Variants in POLRMT observed in about 807,000 individuals in gnomAD.
The protein encoded by POLRMT is RNA polymerase mitochondrial.
Under a neutral mutation model 132.2 loss-of-function variants are expected in POLRMT, and 114 were observed. That is an observed-to-expected ratio of 0.86 (90% CI 0.74 to 1.01). POLRMT has a LOEUF of 1.01. POLRMT is among the 50% of genes least tolerant of loss of function. The pLI is 0.00. For synonymous variants in POLRMT, 1,020 were observed against 773.4 expected (o/e 1.32, Z -5.29); for missense variants, 2,003 against 1,729.1 (o/e 1.16, Z -2.81).
At chr19:624,638 C>A in intron 5 of POLRMT, 81 bp downstream of exon 5, 1 of 1,478,466 alleles carries the variant, frequency 6.8e-7, no homozygotes, top group Non-Finnish European at 9.2e-7. Flanking sequence ...CGGGGAGGCC[C>A]ATTGGTCTGA....
chr19:623,363 C>G, intron 6 of POLRMT, 91 bp downstream of exon 6: 1 of 1,540,672 alleles, frequency 6.5e-7, no homozygotes, highest in Non-Finnish European at 8.7e-7. Flanking sequence ...GCCCCTGCGG[C>G]GGACACGGGA....
At chr19:623,107 T>C (rs2144637037) in intron 6 of POLRMT, 122 bp from the exon 7 acceptor site, 1 of 1,246,892 alleles carries the variant, frequency 8.0e-7, no homozygotes, top group South Asian at 1.5e-5. Context: ...TGCTGTGTGT[T>C]CCGGGTAGCT....
Position 619,105 on chromosome 19 carries a change from C to G in POLRMT, c.3159G>C (p.Trp1053Cys). 1.2e-6 allele frequency: 2 copies of G among 1,611,754 alleles called. No homozygotes were observed. The highest frequency in any genetic ancestry group is 1.7e-6 in the Non-Finnish European group (2 of 1,179,344). Residue 1053 changes from tryptophan to cysteine, a missense_variant, in exon 15 of 21, where the codon TGG (tryptophan) becomes TGC (cysteine). Transcript: ENST00000588649. ...MFSGTRAIQH[W>C]LTESARLISH... ...AGATGAGGCGGGCACTCTCGGTCAG[C>G]CAGTGCTGTGGGACACAGGCCGTCT...
In POLRMT at chr19:631,349, G is replaced by T. The variant is rs911129725; in HGVS notation, c.194-1181C>A. 6.1e-5 allele frequency among the ~76,000 whole-genome samples: 9 copies of T among 147,526 alleles called. 1 individual carries two copies. The highest frequency in any genetic ancestry group is 2.5e-5 in the African/African-American group (1 of 39,772). On this transcript the variant is annotated intron_variant, in intron 2 of 20. Coordinates refer to ENST00000588649, the MANE Select transcript of POLRMT (RefSeq NM_005035.4). ...TCTCAAAAAAAAAAAGGGGGGGGGG[G>T]ACCCAGGTGTCCAGATGTGGTGGCT...
rs370677700 is a variant in POLRMT at position 632,795 on chromosome 19, G to C, written c.193+39C>G. ...CCTTTTCTCCCGGCAGCAGGGAGCGGACTCTCCTCTCCCGGGCCGCCGTGG... is the reference window on the plus strand; with the variant it reads ...CCTTTTCTCCCGGCAGCAGGGAGCGCACTCTCCTCTCCCGGGCCGCCGTGG... On this transcript the variant is annotated intron_variant, in intron 2 of 20. Transcript: ENST00000588649. 9.9e-5 allele frequency: 147 copies of C among 1,491,814 alleles called. 1 individual carries two copies. The East Asian group carries it at 1.5e-3, about 16-fold the overall frequency. The allele number at this position is 1,491,814 out of a possible 1,614,324, so 92.4% of individuals were successfully genotyped here.
At chr19:618,938 T>G in intron 15 of POLRMT, 59 bp downstream of exon 15, 1 of 1,426,838 alleles carries the variant, frequency 7.0e-7, no homozygotes, top group Non-Finnish European at 9.6e-7. Context: ...ACTGGTACAC[T>G]GGGACGCTGT....
Position 633,457 on chromosome 19 carries a change from G to C in POLRMT, c.56C>G (p.Pro19Arg). The C allele has an allele frequency of 6.4e-7, 1 of 1,559,402 alleles. No individual in the cohort carries two copies. The highest frequency in any genetic ancestry group is 1.2e-5 in the South Asian group (1 of 83,816). Residue 19 changes from proline to arginine, a missense_variant, in exon 1 of 21, where the codon CCT becomes CGT. Physicochemically the swap from Pro to Arg is moderately radical, Grantham distance 103 (BLOSUM62 -2). Transcript: ENST00000588649. ...GCCGGGGAGTCCCGGGCGGCCGCAA[G>C]GCCGTAGGGCTCGTTTGAGCCCCGC... ...GAAGLKRALR[P>R]CGRPGLPGKE...
Position 622,698 on chromosome 19 carries a change from G to C in POLRMT, c.1510C>G (p.Leu504Val), listed in dbSNP as rs764516327. The C allele has an allele frequency of 6.2e-7, 1 of 1,604,226 alleles. No individual in the cohort carries two copies. The highest frequency in any genetic ancestry group is 1.1e-5 in the South Asian group (1 of 89,662). Residue 504 changes from leucine to valine, a missense_variant, in exon 8 of 21, where the codon CTG becomes GTG. By Grantham distance (32) the Leu-to-Val change is conservative. Coordinates refer to ENST00000588649, the MANE Select transcript of POLRMT (RefSeq NM_005035.4). Reference sequence around the variant, plus strand: ...TGCCGGCTGAAAGTGCGCGCACTCAGCTCCCGGGCCAGGGTGGTGAAGGAC... The same window carrying C: ...TGCCGGCTGAAAGTGCGCGCACTCACCTCCCGGGCCAGGGTGGTGAAGGAC... ...GESFTTLARE[L>V]SARTFSRHVV...
chr19:618,804 A>G, intron 15 of POLRMT, 44 bp from the exon 16 acceptor site: 1 of 1,553,658 alleles, frequency 6.4e-7, no homozygotes, highest in Non-Finnish European at 8.7e-7. Flanking sequence ...GAGGCCCAGC[A>G]CGGTGGTGGT....
chr19:633,139 G>C lies in POLRMT; in HGVS notation c.89-201C>G, dbSNP rs8111652. 949 of 598,440 alleles carry C rather than the reference G, an allele frequency of 1.6e-3. 8 individuals carry two copies. The African/African-American group carries it at 0.017, about 11-fold the overall frequency. 37.1% of individuals were successfully genotyped at this position (598,440 alleles called of 1,614,324 possible). A position where few individuals can be genotyped will look rare whatever the true frequency, so the allele number is the denominator to read the frequency against. ...GCGAACACGGGCGCGGAACCGCCGA[G>C]AGAGGGTTCCTCGCACTCGAGGTGC... On this transcript the variant is annotated intron_variant, in intron 1 of 20. Coordinates refer to ENST00000588649, the MANE Select transcript of POLRMT (RefSeq NM_005035.4).
intron 13 of POLRMT, 84 bp from the exon 14 acceptor site, chr19:619,380 C>T (rs1984312762): frequency 1.3e-6 from 2 of 1,495,346 alleles, no homozygotes; most frequent in East Asian, 4.5e-5. Flanking sequence ...GCCACTGAGG[C>T]CCAAGGCCTA....
chr19:630,042 A>G lies in POLRMT; in HGVS notation c.320T>C (p.Val107Ala). The G allele has an allele frequency of 6.2e-7, 1 of 1,613,646 alleles. No homozygotes were observed. The highest frequency in any genetic ancestry group is 8.5e-7 in the Non-Finnish European group (1 of 1,179,956). Residue 107 changes from valine (V) to alanine (A), a missense_variant, in exon 3 of 21, where the codon GTC becomes GCC. Val to Ala is a moderately conservative substitution (Grantham distance 64, BLOSUM62 0). Coordinates refer to ENST00000588649, the MANE Select transcript of POLRMT (RefSeq NM_005035.4). Reference protein sequence around the residue: ...GDGSLQPPRKVQMGAKDATPV... With the variant: ...GDGSLQPPRKAQMGAKDATPV... ...GGTGGCATCCTTGGCCCCCATCTGG[A>G]CCTTCCTGGGTGGCTGGAGGCTACC... is the stretch of plus-strand genomic sequence containing the variant.
rs760294996 is a variant in POLRMT, at chr19:629,856, T to C, written c.506A>G (p.Lys169Arg). The C allele has an allele frequency of 2.2e-5, 36 of 1,607,958 alleles. No homozygotes were observed. The South Asian group carries it at 3.5e-4, about 16-fold the overall frequency. Reference sequence around the variant, plus strand: ...GTCCTCCAGGCACCCGGCCATCTGCTTGCTCAGGAGCCGGGGCTCCACCTG... The same window carrying C: ...GTCCTCCAGGCACCCGGCCATCTGCCTGCTCAGGAGCCGGGGCTCCACCTG... ...RLQVEPRLLS[K>R]QMAGCLEDCT... The change falls in exon 3 of 21, where the codon AAG becomes AGG. Residue 169 changes from lysine (K) to arginine (R), a missense_variant. Coordinates refer to ENST00000588649, the MANE Select transcript of POLRMT (RefSeq NM_005035.4).
Position 620,002 on chromosome 19 carries a change from G to T in POLRMT, c.2842C>A (p.Pro948Thr). 1 of 1,591,616 alleles carries T rather than the reference G, an allele frequency of 6.3e-7. No individual in the cohort carries two copies. Among genetic ancestry groups the T allele is most frequent in the African/African-American group, 1.3e-5 (1 of 74,858 alleles). ...SVGAASVNLE[P>T]SDVPQDVYSG... ...TACACGTCCTGCGGCACATCCGAGG[G>T]CTCCAGGTTGACGGAGGCGGCGCCC... Residue 948 changes from proline to threonine, a missense_variant, in exon 12 of 21, where the codon CCC (proline) becomes ACC (threonine). Transcript: ENST00000588649.
chr19:625,033 G>A, intron 4 of POLRMT, 91 bp downstream of exon 4: 4 of 1,524,502 alleles, frequency 2.6e-6, no homozygotes, highest in Non-Finnish European at 3.5e-6. Context: ...GCCCTCTGGG[G>A]GTCCCCAGCC....
chr19:620,152 C>A lies in POLRMT; in HGVS notation c.2764-72G>T, dbSNP rs1445381881. The A allele has an allele frequency of 9.9e-6, 15 of 1,518,400 alleles. 1 individual carries two copies. Among genetic ancestry groups the A allele is most frequent in the African/African-American group, 8.2e-5 (6 of 72,890 alleles). The allele number at this position is 1,518,400 out of a possible 1,614,324, so 94.1% of individuals were successfully genotyped here. A position where few individuals can be genotyped will look rare whatever the true frequency, so the allele number is the denominator to read the frequency against. On this transcript the variant is annotated intron_variant, in intron 11 of 20. Transcript: ENST00000588649. ...ACGTGTGGGACCCCAAACCACCCCC[C>A]AGGTCGAGCCGTTCCTAGGGCCGTG... is the stretch of plus-strand genomic sequence containing the variant.
Position 618,549 on chromosome 19 carries a change from G to T in POLRMT, c.3361C>A (p.Pro1121Thr). ...NTRKQKNGFP[P>T]NFIHSLDSSH... ...GAGTCCAGCGAGTGGATGAAGTTGG[G>T]CGGGAAGCCGTTCTTCTGCTTACGT... is the stretch of plus-strand genomic sequence containing the variant. Residue 1121 changes from proline (P) to threonine (T), a missense_variant, in exon 17 of 21, where the codon CCC (proline) becomes ACC (threonine). Coordinates refer to ENST00000588649, the MANE Select transcript of POLRMT (RefSeq NM_005035.4). 1 of 1,613,418 alleles carries T rather than the reference G, an allele frequency of 6.2e-7. No homozygotes were observed. Among genetic ancestry groups the T allele is most frequent in the African/African-American group, 1.3e-5 (1 of 75,042 alleles).
chr19:620,453 C>T lies in POLRMT; in HGVS notation c.2675G>A (p.Trp892Ter), dbSNP rs1984433222. 2 of 1,600,968 alleles carry T rather than the reference C, an allele frequency of 1.2e-6. No homozygotes were observed. The highest frequency in any genetic ancestry group is 1.7e-5 in the Admixed American group (1 of 58,908). The change falls in exon 11 of 21, where the codon TGG becomes TAG. Residue 892 changes from tryptophan to a stop codon, truncating the protein, a stop_gained. Transcript: ENST00000588649. LOFTEE classifies it high-confidence loss of function. ...CTCCATACAGCAGGCCAGCGTCTGC[C>T]AGGGTTCCTCCGCGCCCATCCACCA... ...RKWWMGAEEP[W>*]QTLACCMEVA...
chr19:621,616 G>T lies in POLRMT; in HGVS notation c.2082C>A (p.Gly694=). Residue 694 remains glycine (G), a synonymous_variant, in exon 10 of 21, where the codon GGC becomes GGA. Transcript: ENST00000588649. ...LETCPPTALH[G]ALDALTQLGN... is the part of the protein sequence containing the mutation. ...CCAGTTGGGTGAGGGCGTCCAGTGC[G>T]CCATGCAGCGCGGTGGGCGGGCAGG... 2 of 1,515,966 alleles carry T rather than the reference G, an allele frequency of 1.3e-6. No individual in the cohort carries two copies. The highest frequency in any genetic ancestry group is 1.8e-6 in the Non-Finnish European group (2 of 1,134,248). 93.9% of individuals were successfully genotyped at this position (1,515,966 alleles called of 1,614,324 possible). A position where few individuals can be genotyped will look rare whatever the true frequency, so the allele number is the denominator to read the frequency against.
Sources: allele counts gnomAD v4.1 joint callset (sites outside exome capture counted in the v4.1 genomes callset), GRCh38; gene constraint gnomAD v4.1.1; transcripts MANE v1.5; gene names NCBI Gene and HGNC (gene_info 2026-07-23, HGNC 2026-07-21).